Variants in SMC3 observed in about 807,000 individuals in gnomAD.
SMC3 encodes the protein structural maintenance of chromosomes 3, also known as structural maintenance of chromosomes protein 3.
Under a neutral mutation model 171.8 loss-of-function variants are expected in SMC3, and 20 were observed. The ratio of observed to expected loss-of-function variants is 0.12; its 90% CI spans 0.08 to 0.17. The LOEUF (loss-of-function observed/expected upper bound fraction) is 0.17. Ranked by LOEUF, SMC3 falls within the 10% of genes least tolerant of loss-of-function variation. The pLI is 1.00. For missense variants in SMC3, 543 were observed against 1,420.4 expected (o/e 0.38, Z 9.93); for synonymous variants, 464 against 451.1 (o/e 1.03, Z -0.36).
chr10:110,600,680 G>A lies in SMC3; in HGVS notation c.2535+134G>A, dbSNP rs375290474. The A allele has an allele frequency of 1.4e-4, 95 of 679,766 alleles. No individual in the cohort carries two copies. The African/African-American group carries it at 1.4e-3, about 10-fold the overall frequency. 42.1% of individuals were successfully genotyped at this position (679,766 alleles called of 1,614,324 possible). A position where few individuals can be genotyped will look rare whatever the true frequency, so the allele number is the denominator to read the frequency against. ...AAGCTTAGTGTCTTGTGGGCCTTGG[G>A]TTGGAATTCTGCCACCTAGTGTGTG... is the stretch of plus-strand genomic sequence containing the variant. On this transcript the variant is annotated intron_variant, in intron 22 of 28. Coordinates refer to ENST00000361804, the MANE Select transcript of SMC3 (RefSeq NM_005445.4).
At chr10:110,585,612 A>G (rs991445035) in intron 13 of SMC3, among the ~76,000 whole-genome samples, 1 of 149,764 alleles carries the variant, frequency 6.7e-6, no homozygotes, top group Non-Finnish European at 1.5e-5. Context: ...TTAAAACTTC[A>G]TTTTTTGGTA....
chr10:110,604,572 ATTATT>A lies in SMC3; in HGVS notation c.*275_*279del. ...GAAACATGCTAAATATTCTTTCCTAATTATTTTATCACTTATACTACCTTTTTTAT... is the reference window on the plus strand; with the variant it reads ...GAAACATGCTAAATATTCTTTCCTAATTATCACTTATACTACCTTTTTTAT... On this transcript the variant is annotated 3_prime_UTR_variant, in exon 29 of 29. Transcript: ENST00000361804. The A allele has an allele frequency of 5.1e-6, 2 of 388,666 alleles. No homozygotes were observed. Among genetic ancestry groups the A allele is most frequent in the Non-Finnish European group, 4.7e-6 (1 of 211,270 alleles). The allele number at this position is 388,666 out of a possible 1,614,324, so 24.1% of individuals were successfully genotyped here. A position where few individuals can be genotyped will look rare whatever the true frequency, so the allele number is the denominator to read the frequency against.
chr10:110,590,893 G>C (rs1861195152), intron 16 of SMC3, 98 bp from the exon 17 acceptor site: 8 of 1,088,248 alleles, frequency 7.4e-6, no homozygotes, highest in South Asian at 2.6e-5. Context: ...TTTAGTCCCA[G>C]CTATGCAGGA....
rs1274165524 is a variant in SMC3, at chr10:110,589,876, A to C, written c.1410-16A>C. ...ATGTGTTTAAAATTAAAGACAGTCTACTTTTTATTTATTAGCTACTTGTGG... is the reference window on the plus strand; with the variant it reads ...ATGTGTTTAAAATTAAAGACAGTCTCCTTTTTATTTATTAGCTACTTGTGG... On this transcript the variant is annotated splice_polypyrimidine_tract_variant and intron_variant, in intron 14 of 28. Coordinates refer to ENST00000361804, the MANE Select transcript of SMC3 (RefSeq NM_005445.4). 1.2e-6 allele frequency: 2 copies of C among 1,607,926 alleles called. No homozygotes were observed. Among genetic ancestry groups the C allele is most frequent in the African/African-American group, 2.7e-5 (2 of 74,800 alleles).
At chr10:110,576,669 T>C (rs1860954846) in intron 4 of SMC3, among the ~76,000 whole-genome samples, 1 of 152,206 alleles carries the variant, frequency 6.6e-6, no homozygotes, top group Non-Finnish European at 1.5e-5. Context: ...TTAGTTTGAA[T>C]TTGTAGCCCA....
intron 18 of SMC3, among the ~76,000 whole-genome samples, chr10:110,594,369 T>C (rs1861261763): frequency 6.6e-6 from 1 of 152,114 alleles, no homozygotes; most frequent in African/African-American, 2.4e-5. Context: ...AAGATAGTAG[T>C]GGGTCTAATA....
chr10:110,596,290 C>G (rs1026368673), intron 18 of SMC3, 108 bp from the exon 19 acceptor site: 1 of 991,076 alleles, frequency 1.0e-6, no homozygotes, highest in South Asian at 2.0e-5. Context: ...AAATTACTTT[C>G]AATTCTCATT....
rs1861051138 is a variant in SMC3, at chr10:110,582,745, T to G, written c.804+103T>G. ...GTACAGTGGTGCCATCATGGCTCAT[T>G]GTAGCCTTGACTTCCTGGGCTCAGG... On this transcript the variant is annotated intron_variant, in intron 10 of 28. Transcript: ENST00000361804. 3 of 864,990 alleles carry G rather than the reference T, an allele frequency of 3.5e-6. No individual in the cohort carries two copies. In the South Asian group the frequency reaches 4.3e-5, roughly 12 times the overall value. The allele number at this position is 864,990 out of a possible 1,614,324, so 53.6% of individuals were successfully genotyped here. A position where few individuals can be genotyped will look rare whatever the true frequency, so the allele number is the denominator to read the frequency against.
chr10:110,586,461 C>G (rs1029295429), intron 13 of SMC3, among the ~76,000 whole-genome samples: 3 of 152,116 alleles, frequency 2.0e-5, no homozygotes, highest in Admixed American at 2.0e-4. Context: ...AATGAGTTTT[C>G]TCTTGAGTTT....
Position 110,601,740 on chromosome 10 carries a change from T to A in SMC3, c.2748T>A (p.Asn916Lys). 1 of 1,613,738 alleles carries A rather than the reference T, an allele frequency of 6.2e-7. No homozygotes were observed. The highest frequency in any genetic ancestry group is 1.7e-5 in the Admixed American group (1 of 59,982). ...NMEKEHMDAI[N>K]HDTKELEKMT... Reference sequence around the variant, plus strand: ...AAAAAGAACATATGGATGCTATAAATCATGATACTAAAGAACTGGAAAAGA... The same window carrying A: ...AAAAAGAACATATGGATGCTATAAAACATGATACTAAAGAACTGGAAAAGA... The change falls in exon 24 of 29, where the codon AAT becomes AAA. Residue 916 changes from asparagine to lysine, a missense_variant. Physicochemically the swap from Asn to Lys is moderately conservative, Grantham distance 94. This residue lies in a region of SMC3 where 81 missense variants were observed against 184.2 expected (regional missense o/e 0.44). Coordinates refer to ENST00000361804, the MANE Select transcript of SMC3 (RefSeq NM_005445.4).
In SMC3 at chr10:110,567,804, G is replaced by C; in HGVS notation, c.-13G>C. 1.2e-6 allele frequency: 2 copies of C among 1,613,422 alleles called. No individual in the cohort carries two copies. Among genetic ancestry groups the C allele is most frequent in the East Asian group, 4.5e-5 (2 of 44,862 alleles). Reference sequence around the variant, plus strand: ...CCGGGGCAGGTCTCCTTCCAGGCCAGGGGCCCGGAATCATGTACATAAAGC... The same window carrying C: ...CCGGGGCAGGTCTCCTTCCAGGCCACGGGCCCGGAATCATGTACATAAAGC... On this transcript the variant is annotated 5_prime_UTR_variant, in exon 1 of 29. Transcript: ENST00000361804.
chr10:110,582,758 TC>T (rs1564790083), intron 10 of SMC3, 116 bp downstream of exon 10: 2 of 781,874 alleles, frequency 2.6e-6, no homozygotes, highest in Non-Finnish European at 4.4e-6. Context: ...AGCCTTGACT[TC>T]CTGGGCTCAG....
intron 14 of SMC3, 50 bp from the exon 15 acceptor site, chr10:110,589,842 C>G (rs1191058656): frequency 6.5e-7 from 1 of 1,540,584 alleles, no homozygotes; most frequent in Non-Finnish European, 9.0e-7. Context: ...ACTGTTAATG[C>G]ATCCTCATAT....
rs1236628703 is a variant in SMC3 at position 110,599,787 on chromosome 10, A to G, written c.2402A>G (p.Asn801Ser). 3 of 1,614,148 alleles carry G rather than the reference A, an allele frequency of 1.9e-6. No homozygotes were observed. Among genetic ancestry groups the G allele is most frequent in the South Asian group, 1.1e-5 (1 of 91,084 alleles). The change falls in exon 21 of 29, where the codon AAT (asparagine) becomes AGT (serine). Residue 801 changes from asparagine (N) to serine (S), a missense_variant. Around this residue, in one of 8 missense-constraint regions of SMC3, gnomAD observed 218 missense variants for 509.6 expected, o/e 0.43. Coordinates refer to ENST00000361804, the MANE Select transcript of SMC3 (RefSeq NM_005445.4). The stretch of plus-strand genomic sequence containing the variant: ...GATCAGAAGAGAGTAGATGCACTGA[A>G]TGATGAGATTCGTCAACTTCAGCAG... ...LEDQKRVDALNDEIRQLQQEN... is the reference protein window; with the variant it reads ...LEDQKRVDALSDEIRQLQQEN...
intron 16 of SMC3, 138 bp from the exon 17 acceptor site, chr10:110,590,853 A>C: frequency 1.3e-6 from 1 of 791,056 alleles, no homozygotes; most frequent in Non-Finnish European, 2.1e-6. Context: ...TTGATGCTTA[A>C]GTGTTTATAA....
At chr10:110,600,841 A>G (rs1174014744) in intron 22 of SMC3, among the ~76,000 whole-genome samples, 181 bp from the exon 23 acceptor site, 1 of 152,206 alleles carries the variant, frequency 6.6e-6, no homozygotes, top group Admixed American at 6.5e-5. Flanking sequence ...TTAGATGCTT[A>G]GAAATTTTCT....
intron 13 of SMC3, among the ~76,000 whole-genome samples, chr10:110,587,694 A>G (rs1226923285): frequency 5.5e-5 from 8 of 145,732 alleles, no homozygotes; most frequent in Non-Finnish European, 8.8e-5. Flanking sequence ...TCAAAGAAAA[A>G]AAAAAAAAAA....
At chr10:110,587,489 T>C (rs1284751618) in intron 13 of SMC3, among the ~76,000 whole-genome samples, 1 of 152,102 alleles carries the variant, frequency 6.6e-6, no homozygotes, top group Non-Finnish European at 1.5e-5. Context: ...AGACCATCCA[T>C]CCTGGCTAAC....
At chr10:110,575,258 C>A in intron 3 of SMC3, 78 bp from the exon 4 acceptor site, 1 of 968,496 alleles carries the variant, frequency 1.0e-6, no homozygotes, top group Non-Finnish European at 1.7e-6. Flanking sequence ...ACACTATGTT[C>A]TATTGAGGTG....
Sources: gnomAD v4.1 joint callset for allele counts (sites outside exome capture counted in the v4.1 genomes callset) on GRCh38, gnomAD v4.1.1 for gene constraint, gnomAD v4.1.1 regional missense constraint, MANE v1.5 for transcripts, NCBI Gene and HGNC (gene_info 2026-07-23, HGNC 2026-07-21) for gene names.